Variants in SPTB observed in about 807,000 individuals in gnomAD.
SPTB encodes the protein spectrin beta chain, erythrocytic.
SPTB carries 45 observed loss-of-function variants against 256.2 expected under a neutral mutation model. That is an observed-to-expected ratio of 0.18 (90% CI 0.14 to 0.23). SPTB has a LOEUF of 0.23. Ranked by LOEUF, SPTB falls within the 10% of genes least tolerant of loss-of-function variation. SPTB has a pLI of 1.00. For synonymous variants in SPTB, 1,231 were observed against 1,243.1 expected (o/e 0.99, Z 0.21); for missense variants, 2,715 against 3,040.4 (o/e 0.89, Z 2.52).
rs199709844 is a variant in SPTB at position 64,786,529 on chromosome 14, G to T, written c.3436C>A (p.Leu1146Met). 8.7e-6 allele frequency: 14 copies of T among 1,614,126 alleles called. No individual in the cohort carries two copies. The highest frequency in any genetic ancestry group is 1.2e-5 in the Non-Finnish European group (14 of 1,180,026). ...CCCAGGGCATTCCAGCCAGTATCCA[G>T]GCCCTCCAGCCGCTGGCCCAGAAGC... is the stretch of plus-strand genomic sequence containing the variant. Reference protein sequence around the residue: ...YLLLGQRLEGLDTGWNALGRM... With the variant: ...YLLLGQRLEGMDTGWNALGRM... The change falls in exon 16 of 36, where the codon CTG (leucine) becomes ATG (methionine). Residue 1146 changes from leucine (L) to methionine (M), a missense_variant. Transcript: ENST00000644917. The surrounding 1 kb of genome is among the most constrained non-coding windows in gnomAD (Gnocchi z 5.6).
rs956395912 is a variant in SPTB at position 64,826,064 on chromosome 14, C to A, written c.-51-2919G>T. On this transcript the variant is annotated intron_variant, in intron 1 of 35. Coordinates refer to ENST00000644917, the MANE Select transcript of SPTB (RefSeq NM_001355436.2). This position sits in a 1 kb window ranked among gnomAD's most constrained non-coding sequence, Gnocchi z 4.4. ...TGATTCAGAAATGAAAGTGAGGCCCCTTTCCTTGTGCCCTCTTCCCCTGCC... is the reference window on the plus strand; with the variant it reads ...TGATTCAGAAATGAAAGTGAGGCCCATTTCCTTGTGCCCTCTTCCCCTGCC... 2.8e-4 allele frequency among the ~76,000 whole-genome samples: 43 copies of A among 152,230 alleles called. No individual in the cohort carries two copies. Among genetic ancestry groups the A allele is most frequent in the Admixed American group, 2.4e-3 (37 of 15,288 alleles).
At chr14:64,815,560 T>C (rs1227949669) in intron 2 of SPTB, among the ~76,000 whole-genome samples, 1 of 152,164 alleles carries the variant, frequency 6.6e-6, no homozygotes. Context: ...TCAGGCATTG[T>C]TGTCTTGCAT....
chr14:64,797,486 AAAAAAAAAAAAAAAAAG>A lies in SPTB; in HGVS notation c.1182+226_1182+242del, dbSNP rs1396394485. Among the ~76,000 whole-genome samples the A allele has an allele frequency of 2.3e-4, 33 of 146,216 alleles. 1 individual carries two copies. In the East Asian group the frequency reaches 3.2e-3, roughly 14 times the overall value. ...TGTCTCCAAAAAAAAAAAAAAAAAA[AAAAAAAAAAAAAAAAAG>A]GACTCAGGGATGCAGGGCATCTGAA... On this transcript the variant is annotated intron_variant, in intron 10 of 35. Transcript: ENST00000644917.
At chr14:64,846,873 G>A (rs2083701519) in intron 1 of SPTB, among the ~76,000 whole-genome samples, 1 of 152,184 alleles carries the variant, frequency 6.6e-6, no homozygotes, top group Non-Finnish European at 1.5e-5. Flanking sequence ...CAGTTTAGCT[G>A]TTAAGGTGAG....
chr14:64,796,533 C>T lies in SPTB; in HGVS notation c.1341+24G>A. On this transcript the variant is annotated intron_variant, in intron 11 of 35. Transcript: ENST00000644917. The surrounding 1 kb of genome is among the most constrained non-coding windows in gnomAD (Gnocchi z 4.1). ...CTCTGAAGAATGTCCCCTCTCCTGT[C>T]ACCCAAAGCATGTCCCTCATTACCT... 6.2e-7 allele frequency: 1 copy of T among 1,614,104 alleles called. No individual in the cohort carries two copies.
At chr14:64,863,465 GCACC>G (rs1566809224) in intron 1 of SPTB, among the ~76,000 whole-genome samples, 1 of 152,196 alleles carries the variant, frequency 6.6e-6, no homozygotes, top group Non-Finnish European at 1.5e-5. Flanking sequence ...CCCCACAATG[GCACC>G]TACCTGGCTC....
At chr14:64,805,656 G>C (rs2082969050) in intron 2 of SPTB, among the ~76,000 whole-genome samples, 1 of 152,110 alleles carries the variant, frequency 6.6e-6, no homozygotes, top group African/African-American at 2.4e-5. Flanking sequence ...CTGTCTCCAG[G>C]GCCTGGAGCC....
At chr14:64,879,262 C>G (rs1430772585) in intron 1 of SPTB, among the ~76,000 whole-genome samples, 1 of 152,226 alleles carries the variant, frequency 6.6e-6, no homozygotes, top group African/African-American at 2.4e-5. Context: ...AGGCCCGGCC[C>G]CCTCTGCTGC....
chr14:64,757,163 A>G (rs1045111883), intron 32 of SPTB: 2 of 152,186 alleles, frequency 1.3e-5, no homozygotes, highest in African/African-American at 4.8e-5. Flanking sequence ...GCCATGGCAG[A>G]TATAGGGAGG....
Position 64,759,909 on chromosome 14 carries a change from A to G in SPTB, c.6346-6116T>C, listed in dbSNP as rs147916806. Among the ~76,000 whole-genome samples, 90 of 152,248 alleles carry G rather than the reference A, an allele frequency of 5.9e-4. No individual in the cohort carries two copies. The highest frequency in any genetic ancestry group is 2.1e-3 in the African/African-American group (86 of 41,538). On this transcript the variant is annotated intron_variant, in intron 32 of 35. Coordinates refer to ENST00000644917, the MANE Select transcript of SPTB (RefSeq NM_001355436.2). This position sits in a 1 kb window ranked among gnomAD's most constrained non-coding sequence, Gnocchi z 4.8. ...AGGAGAATTGCAGAGTGGGCTGAATAAGGGAAGGCACTGCCTTTAGTCCTC... is the reference window on the plus strand; with the variant it reads ...AGGAGAATTGCAGAGTGGGCTGAATGAGGGAAGGCACTGCCTTTAGTCCTC...
Position 64,747,900 on chromosome 14 carries a change from G to GAAAATATGGAA in SPTB, c.*1395_*1405dup. ...GTTGCTTTCGGAGTAGAGTGGTGGG[G>GAAAATATGGAA]AAAATATGGAATGAGCTTTCTCTTC... On this transcript the variant is annotated 3_prime_UTR_variant, in exon 36 of 36. Coordinates refer to ENST00000644917, the MANE Select transcript of SPTB (RefSeq NM_001355436.2). 1 of 151,716 alleles carries GAAAATATGGAA rather than the reference G, an allele frequency of 6.6e-6. No individual in the cohort carries two copies. Among genetic ancestry groups the GAAAATATGGAA allele is most frequent in the East Asian group, 2.0e-4 (1 of 5,124 alleles). The allele number at this position is 151,716 out of a possible 1,614,324, so 9.4% of individuals were successfully genotyped here.
In SPTB at chr14:64,793,016, G is replaced by C. The variant is rs772885580; in HGVS notation, c.2647C>G (p.Leu883Val). 6.2e-7 allele frequency: 1 copy of C among 1,613,964 alleles called. No individual in the cohort carries two copies. Among genetic ancestry groups the C allele is most frequent in the Non-Finnish European group, 8.5e-7 (1 of 1,180,018 alleles). Residue 883 changes from leucine (L) to valine (V), a missense_variant, in exon 14 of 36, where the codon CTG becomes GTG. Leu to Val is a conservative substitution (Grantham distance 32, BLOSUM62 1). Transcript: ENST00000644917. This position sits in a 1 kb window ranked among gnomAD's most constrained non-coding sequence, Gnocchi z 7.0. ...TCTGACCTGTGCTGCACGACCTCCA[G>C]GTCCTCCAGGGTGTCTGGCATTTCC... ...EMEMPDTLEDLEVVQHRFDIL... is the reference protein window; with the variant it reads ...EMEMPDTLEDVEVVQHRFDIL...
In SPTB at chr14:64,790,514, G is replaced by GA. The variant is rs1452644584; in HGVS notation, c.2804+1204dup. 2.6e-5 allele frequency among the ~76,000 whole-genome samples: 4 copies of GA among 152,182 alleles called. No homozygotes were observed. The highest frequency in any genetic ancestry group is 5.9e-5 in the Non-Finnish European group (4 of 68,046). ...TTTGTAAAACATCAGATTGACAAAG[G>GA]AATCTCCTAAACCGCACTCTGCAGC... On this transcript the variant is annotated intron_variant, in intron 15 of 35. Transcript: ENST00000644917. This position sits in a 1 kb window ranked among gnomAD's most constrained non-coding sequence, Gnocchi z 4.8.
rs1374931597 is a variant in SPTB at position 64,765,019 on chromosome 14, TGTGTGC to T, written c.6345+1701_6345+1706del. 6.7e-5 allele frequency among the ~76,000 whole-genome samples: 7 copies of T among 103,926 alleles called. No individual in the cohort carries two copies. The East Asian group carries it at 9.8e-4, about 15-fold the overall frequency. The allele number at this position is 103,926 out of a possible 152,430, so 68.2% of individuals were successfully genotyped here. On this transcript the variant is annotated intron_variant, in intron 32 of 35. Transcript: ENST00000644917. ...GGCCAGGCTGGAGGCCACAGAGGAG[TGTGTGC>T]GTGTGTGTGTGTGTGTGCGCGCGCG...
At position 64,826,117 on chromosome 14, in the gene SPTB, G is replaced by A. The variant is rs914880386; in HGVS notation, c.-51-2972C>T. 2.6e-5 allele frequency among the ~76,000 whole-genome samples: 4 copies of A among 152,344 alleles called. No individual in the cohort carries two copies. The Middle Eastern group carries it at 0.01, about 389-fold the overall frequency. ...GCCCACCCCAGGCCCTGCCCAGATG[G>A]CATTCCATCAGAGTCAAGGGGGTCA... On this transcript the variant is annotated intron_variant, in intron 1 of 35. Coordinates refer to ENST00000644917, the MANE Select transcript of SPTB (RefSeq NM_001355436.2). This position sits in a 1 kb window ranked among gnomAD's most constrained non-coding sequence, Gnocchi z 4.4.
intron 15 of SPTB, among the ~76,000 whole-genome samples, chr14:64,789,635 C>T (rs941719657): frequency 4.6e-5 from 7 of 152,156 alleles, no homozygotes. Context: ...ATACTCTAAA[C>T]AGCAGGAACC....
Position 64,793,574 on chromosome 14 carries a change from A to G in SPTB, c.2089T>C (p.Phe697Leu). The G allele has an allele frequency of 1.9e-6, 3 of 1,614,128 alleles. No homozygotes were observed. Among genetic ancestry groups the G allele is most frequent in the Non-Finnish European group, 2.5e-6 (3 of 1,180,012 alleles). ...RGLDAHLEQI[F>L]QEAHGMVARK... is the part of the protein sequence containing the mutation. ...GCAACCATGCCATGAGCCTCCTGGA[A>G]GATCTGCTCCAGGTGAGCATCCAGC... Residue 697 changes from phenylalanine (F) to leucine (L), a missense_variant, in exon 14 of 36, where the codon TTC (phenylalanine) becomes CTC (leucine). Physicochemically the swap from Phe to Leu is conservative, Grantham distance 22 (BLOSUM62 0). Coordinates refer to ENST00000644917, the MANE Select transcript of SPTB (RefSeq NM_001355436.2). This position sits in a 1 kb window ranked among gnomAD's most constrained non-coding sequence, Gnocchi z 7.0.
At chr14:64,854,403 C>A (rs1376306800) in intron 1 of SPTB, among the ~76,000 whole-genome samples, 2 of 148,440 alleles carry the variant, frequency 1.3e-5, no homozygotes, top group South Asian at 4.4e-4. Flanking sequence ...CTCAGCCTCC[C>A]GAGTAGCTGA....
chr14:64,771,853 C>T (rs2082283486), intron 26 of SPTB, among the ~76,000 whole-genome samples: 1 of 152,186 alleles, frequency 6.6e-6, no homozygotes, highest in South Asian at 2.1e-4. Context: ...GTGTTCTGTC[C>T]CCAAGCCCTG....
Sources: allele counts gnomAD v4.1 joint callset (sites outside exome capture counted in the v4.1 genomes callset), GRCh38; gene constraint gnomAD v4.1.1; non-coding constraint Gnocchi (gnomAD v3.1); transcripts MANE v1.5; gene names NCBI Gene and HGNC (gene_info 2026-07-23, HGNC 2026-07-21).